ATP8B4: variants seen among roughly 807,000 people sequenced by gnomAD.
ATP8B4 encodes the protein probable phospholipid-transporting ATPase IM.
Under a neutral mutation model 145.6 loss-of-function variants are expected in ATP8B4, and 133 were observed. The ratio of observed to expected loss-of-function variants is 0.91; its 90% CI spans 0.79 to 1.05. The LOEUF (loss-of-function observed/expected upper bound fraction) is 1.05. Ranked by LOEUF, ATP8B4 falls within the 50% of genes least tolerant of loss-of-function variation. The pLI is 0.00. For synonymous variants in ATP8B4, 507 were observed against 492.9 expected, an observed-to-expected ratio of 1.03 and a Z score of -0.38; for missense variants, 1,458 against 1,425.2, an observed-to-expected ratio of 1.02 and a Z score of -0.37.
At chr15:49,970,704 A>T (rs2045029976) in intron 13 of ATP8B4, among the ~76,000 whole-genome samples, 1 of 152,198 alleles carries the variant, frequency 6.6e-6, no homozygotes, top group Non-Finnish European at 1.5e-5. Flanking sequence ...TCCCAAAGTA[A>T]TTTATAGATT....
intron 14 of ATP8B4, among the ~76,000 whole-genome samples, chr15:49,945,316 A>G (rs1450775585): frequency 6.6e-6 from 1 of 152,168 alleles, no homozygotes; most frequent in Non-Finnish European, 1.5e-5. Context: ...ATCATGAAAA[A>G]TAGAAAGTCT....
At chr15:50,048,478 T>C (rs1428669017) in intron 3 of ATP8B4, among the ~76,000 whole-genome samples, 2 of 150,840 alleles carry the variant, frequency 1.3e-5, no homozygotes, top group Admixed American at 1.3e-4. Context: ...GAGGCAGAGG[T>C]AGGTGGATCA....
intron 3 of ATP8B4, among the ~76,000 whole-genome samples, chr15:50,073,220 T>C (rs529177280): frequency 6.6e-6 from 1 of 151,722 alleles, no homozygotes; most frequent in African/African-American, 2.4e-5. Context: ...TTTCTCCTAA[T>C]GCTATCCCTC....
chr15:49,873,134 G>A (rs939570580), intron 25 of ATP8B4, among the ~76,000 whole-genome samples: 2 of 152,160 alleles, frequency 1.3e-5, no homozygotes, highest in African/African-American at 4.8e-5. Context: ...ATAATTCAAA[G>A]TAATACTCTA....
At chr15:50,115,173 T>C (rs1432406869) in intron 1 of ATP8B4, among the ~76,000 whole-genome samples, 1 of 152,032 alleles carries the variant, frequency 6.6e-6, no homozygotes, top group Non-Finnish European at 1.5e-5. Context: ...GGCGAAACCC[T>C]GTCTTTACAA....
intron 8 of ATP8B4, among the ~76,000 whole-genome samples, chr15:49,997,086 T>C (rs1314607318): frequency 6.6e-6 from 1 of 152,136 alleles, no homozygotes; most frequent in African/African-American, 2.4e-5. Flanking sequence ...ACATTCAGAA[T>C]TGGAACACAG....
chr15:50,120,635 T>G (rs1159119590), upstream of ATP8B4, among the ~76,000 whole-genome samples: 1 of 152,166 alleles, frequency 6.6e-6, no homozygotes, highest in East Asian at 1.9e-4. Context: ...CTTAGGAATT[T>G]ACCTTATAGA....
intron 9 of ATP8B4, among the ~76,000 whole-genome samples, chr15:49,993,004 GAAATCTA>G (rs1404547988): frequency 6.6e-6 from 1 of 152,046 alleles, no homozygotes; most frequent in Admixed American, 6.6e-5. Context: ...AGGAAAACCT[GAAATCTA>G]CTGATATTTC....
At chr15:50,033,466 G>C (rs2050600108) in intron 6 of ATP8B4, among the ~76,000 whole-genome samples, 1 of 152,118 alleles carries the variant, frequency 6.6e-6, no homozygotes, top group East Asian at 1.9e-4. Flanking sequence ...CACAAAGAAG[G>C]GATGCTAGCA....
At chr15:50,035,988 C>T (rs13380264) in intron 6 of ATP8B4, among the ~76,000 whole-genome samples, 10,033 of 152,266 alleles carry the variant, frequency 0.066, 505 homozygotes, top group African/African-American at 0.14. Flanking sequence ...GAGCCCAGAT[C>T]CCCTCCAGCC....
chr15:50,171,812 A>G (rs910611396), intron 1 of ATP8B4, among the ~76,000 whole-genome samples: 8 of 152,180 alleles, frequency 5.3e-5, no homozygotes, highest in African/African-American at 7.2e-5. Flanking sequence ...TTGACAGACC[A>G]TTAGGAAGAT....
At chr15:49,931,067 A>T in intron 16 of ATP8B4, 52 bp downstream of exon 16, 1 of 1,509,702 alleles carries the variant, frequency 6.6e-7, no homozygotes, top group South Asian at 1.3e-5. Flanking sequence ...CTTGAAAAGC[A>T]TAACCACAAC....
chr15:49,997,092 C>A (rs894652163), intron 8 of ATP8B4, among the ~76,000 whole-genome samples: 1 of 152,144 alleles, frequency 6.6e-6, no homozygotes, highest in Non-Finnish European at 1.5e-5. Context: ...AGAATTGGAA[C>A]ACAGTTGCCA....
At chr15:49,913,311 T>C (rs953004425) in intron 20 of ATP8B4, among the ~76,000 whole-genome samples, 1 of 152,106 alleles carries the variant, frequency 6.6e-6, no homozygotes, top group African/African-American at 2.4e-5. Context: ...GAAAAATCAT[T>C]TGATAAAATT....
chr15:49,957,998 A>C (rs1291617279), intron 14 of ATP8B4, among the ~76,000 whole-genome samples: 1 of 151,858 alleles, frequency 6.6e-6, no homozygotes, highest in African/African-American at 2.4e-5. Flanking sequence ...AATAACAATT[A>C]ACCTTATTAA....
intron 13 of ATP8B4, among the ~76,000 whole-genome samples, chr15:49,969,302 C>G (rs1031793804): frequency 6.6e-6 from 1 of 151,904 alleles, no homozygotes; most frequent in Non-Finnish European, 1.5e-5. Flanking sequence ...GATAGAGACA[C>G]GAAAAACCCT....
rs375818667 is a variant in ATP8B4 at position 50,038,717 on chromosome 15, G to C, written c.362+51C>G. The C allele has an allele frequency of 1.6e-5, 23 of 1,431,806 alleles. No individual in the cohort carries two copies. In the Admixed American group the frequency reaches 2.7e-4, roughly 17 times the overall value. The allele number at this position is 1,431,806 out of a possible 1,614,324, so 88.7% of individuals were successfully genotyped here. A position where few individuals can be genotyped will look rare whatever the true frequency, so the allele number is the denominator to read the frequency against. On this transcript the variant is annotated intron_variant, in intron 6 of 27. Coordinates refer to ENST00000284509, the MANE Select transcript of ATP8B4 (RefSeq NM_024837.4). ...AGAAAGCCACCAATCGTCAAGAGCTGTTTCAGGGTCCTAGAAATTTTCAGA... is the reference window on the plus strand; with the variant it reads ...AGAAAGCCACCAATCGTCAAGAGCTCTTTCAGGGTCCTAGAAATTTTCAGA...
Position 49,862,392 on chromosome 15 carries a change from A to G in ATP8B4, c.3167-17T>C, listed in dbSNP as rs565984615. 7 of 1,611,616 alleles carry G rather than the reference A, an allele frequency of 4.3e-6. No individual in the cohort carries two copies. The highest frequency in any genetic ancestry group is 5.9e-6 in the Non-Finnish European group (7 of 1,178,370). On this transcript the variant is annotated splice_polypyrimidine_tract_variant and intron_variant, in intron 26 of 27. Coordinates refer to ENST00000284509, the MANE Select transcript of ATP8B4 (RefSeq NM_024837.4). ...GTGCATTACCTATCAATCATTAAAG[A>G]AAATATACACTGTGGTTACAAGTAG... is the stretch of plus-strand genomic sequence containing the variant.
chr15:49,899,056 A>G (rs1036248894), intron 21 of ATP8B4, among the ~76,000 whole-genome samples: 6 of 152,226 alleles, frequency 3.9e-5, no homozygotes, highest in Non-Finnish European at 8.8e-5. Flanking sequence ...ATCTTTAGCA[A>G]GACATTCACA....
Sources: allele counts gnomAD v4.1 joint callset (sites outside exome capture counted in the v4.1 genomes callset), GRCh38; gene constraint gnomAD v4.1.1; transcripts MANE v1.5; gene names NCBI Gene and HGNC (gene_info 2026-07-23, HGNC 2026-07-21).